RAPGEF5: variants seen among roughly 807,000 people sequenced by gnomAD.
The protein encoded by RAPGEF5 is M-Ras-regulated GEF.
In RAPGEF5, 65 loss-of-function variants were observed where a neutral mutation model predicts 125.2. That is an observed-to-expected ratio of 0.52 (90% CI 0.43 to 0.64). RAPGEF5 has a LOEUF of 0.64. RAPGEF5 is among the 30% of genes least tolerant of loss of function. The probability of loss-of-function intolerance (pLI) is 0.00; values close to 1 mark genes in which losing one functional copy is unlikely to be tolerated. For synonymous variants in RAPGEF5, 391 were observed against 385.9 expected (o/e 1.01, Z -0.16); for missense variants, 958 against 1,048.1 (o/e 0.91, Z 1.19).
intron 7 of RAPGEF5, among the ~76,000 whole-genome samples, chr7:22,248,859 T>A (rs1238765157): frequency 6.6e-6 from 1 of 152,130 alleles, no homozygotes; most frequent in Admixed American, 6.5e-5. Flanking sequence ...ATTGTATGGG[T>A]CATGCTTTGC....
chr7:22,232,478 CCCA>C (rs1203772417), intron 7 of RAPGEF5, among the ~76,000 whole-genome samples: 2 of 151,980 alleles, frequency 1.3e-5, no homozygotes, highest in Non-Finnish European at 2.9e-5. Context: ...CACTACCATG[CCCA>C]GATAATTTTT....
Position 22,150,515 on chromosome 7 carries a change from A to C in RAPGEF5, c.1787-11T>G. On this transcript the variant is annotated splice_polypyrimidine_tract_variant and intron_variant, in intron 17 of 25. Transcript: ENST00000665637. ...GAAGTTCATGCTTTTCTTTATTTGA[A>C]AAAAAAAAAAAAAAAAGGAATAATC... 7.2e-6 allele frequency: 1 copy of C among 139,622 alleles called. No homozygotes were observed. The highest frequency in any genetic ancestry group is 1.0e-5 in the Non-Finnish European group (1 of 99,872). The allele number at this position is 139,622 out of a possible 1,614,324, so 8.6% of individuals were successfully genotyped here. A position where few individuals can be genotyped will look rare whatever the true frequency, so the allele number is the denominator to read the frequency against.
At chr7:22,315,200 T>C (rs1391227629) in intron 3 of RAPGEF5, among the ~76,000 whole-genome samples, 170 bp downstream of exon 3, 1 of 152,136 alleles carries the variant, frequency 6.6e-6, no homozygotes, top group Admixed American at 6.6e-5. Flanking sequence ...TGTAAACAAA[T>C]GCATGACTAA....
intron 3 of RAPGEF5, 145 bp from the exon 4 acceptor site, chr7:22,310,235 T>G (rs1783438346): frequency 2.4e-6 from 2 of 850,958 alleles, no homozygotes; most frequent in African/African-American, 1.8e-5. Context: ...TACCTCTTAT[T>G]CATCTTTCAG....
intron 11 of RAPGEF5, among the ~76,000 whole-genome samples, chr7:22,186,349 T>G (rs1784826228): frequency 6.6e-6 from 1 of 152,236 alleles, no homozygotes; most frequent in African/African-American, 2.4e-5. Context: ...TTCTTTTGAT[T>G]CTGAACTTCG....
intron 1 of RAPGEF5, 26 bp from the exon 2 acceptor site, chr7:22,318,063 T>C: frequency 1.3e-6 from 2 of 1,488,048 alleles, no homozygotes; most frequent in South Asian, 1.4e-5. Flanking sequence ...AAAAAAAAAA[T>C]AGTTAGAACC....
intron 9 of RAPGEF5, among the ~76,000 whole-genome samples, chr7:22,212,584 T>G (rs1785536725): frequency 6.6e-6 from 1 of 152,236 alleles, no homozygotes; most frequent in Non-Finnish European, 1.5e-5. Context: ...CTCTTCTTTT[T>G]ATTTTTCCAA....
At position 22,138,579 on chromosome 7, in the gene RAPGEF5, G is replaced by C. The variant is rs568491221; in HGVS notation, c.2277+1446C>G. Among the ~76,000 whole-genome samples, 35 of 152,268 alleles carry C rather than the reference G, an allele frequency of 2.3e-4. 1 individual carries two copies. The South Asian group carries it at 7.3e-3, about 32-fold the overall frequency. ...CAGTAACTCTCAGCTGGACCTCGAA[G>C]GCCCTGCAGCTTGAGGCTTCTCATT... On this transcript the variant is annotated intron_variant, in intron 21 of 25. Coordinates refer to ENST00000665637, the MANE Select transcript of RAPGEF5 (RefSeq NM_012294.5).
At chr7:22,242,498 A>C (rs1786356379) in intron 7 of RAPGEF5, among the ~76,000 whole-genome samples, 1 of 152,250 alleles carries the variant, frequency 6.6e-6, no homozygotes, top group African/African-American at 2.4e-5. Context: ...CCAGCTGAGA[A>C]GGGCCCCTGG....
intron 23 of RAPGEF5, among the ~76,000 whole-genome samples, chr7:22,135,833 T>C (rs1246919429): frequency 6.6e-6 from 1 of 152,172 alleles, no homozygotes; most frequent in Non-Finnish European, 1.5e-5. Context: ...AATGCTTTGG[T>C]GTCTGCTCAA....
chr7:22,271,436 G>A (rs1399097626), intron 6 of RAPGEF5, among the ~76,000 whole-genome samples: 1 of 152,140 alleles, frequency 6.6e-6, no homozygotes, highest in Non-Finnish European at 1.5e-5. Context: ...GGCCTTCACT[G>A]TATTTAGATA....
chr7:22,332,785 C>T (rs569774943), intron 1 of RAPGEF5, among the ~76,000 whole-genome samples: 2 of 152,348 alleles, frequency 1.3e-5, no homozygotes, highest in South Asian at 4.1e-4. Context: ...TATTAACCAA[C>T]AGGTGGCACA....
intron 18 of RAPGEF5, among the ~76,000 whole-genome samples, chr7:22,148,229 A>G (rs1181787594): frequency 6.6e-6 from 1 of 152,242 alleles, no homozygotes; most frequent in Non-Finnish European, 1.5e-5. Context: ...AAAGACCCAG[A>G]GTGAGGAAGT....
At chr7:22,221,535 C>A (rs1454844244) in intron 8 of RAPGEF5, among the ~76,000 whole-genome samples, 2 of 152,100 alleles carry the variant, frequency 1.3e-5, no homozygotes, top group Non-Finnish European at 2.9e-5. Flanking sequence ...TTCCCATAAT[C>A]CCCACATGTT....
intron 1 of RAPGEF5, among the ~76,000 whole-genome samples, chr7:22,346,471 T>C (rs1250713455): frequency 6.6e-6 from 1 of 152,164 alleles, no homozygotes. Context: ...TGTTTGTTCA[T>C]TACAGTCAAC....
intron 1 of RAPGEF5, among the ~76,000 whole-genome samples, chr7:22,339,737 C>T (rs1469862409): frequency 6.6e-6 from 1 of 152,218 alleles, no homozygotes; most frequent in African/African-American, 2.4e-5. Context: ...ATAGAAGCTT[C>T]TACATTTATT....
chr7:22,191,521 C>T (rs892420532), intron 11 of RAPGEF5: 2 of 469,790 alleles, frequency 4.3e-6, no homozygotes, highest in African/African-American at 4.0e-5. Flanking sequence ...GAGGTGACCC[C>T]AACCAACCCC....
intron 7 of RAPGEF5, among the ~76,000 whole-genome samples, chr7:22,237,620 T>C (rs1042464659): frequency 1.3e-5 from 2 of 152,200 alleles, no homozygotes; most frequent in African/African-American, 4.8e-5. Context: ...TTCCCTGCTA[T>C]ATTAGCCCCT....
intron 7 of RAPGEF5, among the ~76,000 whole-genome samples, chr7:22,255,425 C>G (rs529084565): frequency 3.2e-4 from 49 of 151,644 alleles, no homozygotes; most frequent in Non-Finnish European, 5.7e-4. Context: ...CCTATTTCTA[C>G]CAAAAAAAAA....
Sources: gnomAD v4.1 joint callset for allele counts (sites outside exome capture counted in the v4.1 genomes callset) on GRCh38, gnomAD v4.1.1 for gene constraint, MANE v1.5 for transcripts, NCBI Gene and HGNC (gene_info 2026-07-23, HGNC 2026-07-21) for gene names.